CDH12: variants seen among roughly 807,000 people sequenced by gnomAD.
The protein encoded by CDH12 is cadherin-12.
In CDH12, 41 loss-of-function variants were observed where a neutral mutation model predicts 74.1. The observed-to-expected ratio is 0.55, with a 90% CI of 0.43 to 0.72. The LOEUF (loss-of-function observed/expected upper bound fraction) is 0.72, where lower values mean the gene tolerates loss of function less well. Ranked by LOEUF, CDH12 falls within the 30% of genes least tolerant of loss-of-function variation. The probability of loss-of-function intolerance (pLI) is 0.00; values close to 1 mark genes in which losing one functional copy is unlikely to be tolerated. For missense variants in CDH12, 945 were observed against 977.2 expected, an observed-to-expected ratio of 0.97 and a Z score of 0.44; for synonymous variants, 399 against 355.0, an observed-to-expected ratio of 1.12 and a Z score of -1.39.
intron 8 of CDH12, among the ~76,000 whole-genome samples, chr5:21,818,825 T>C (rs1461539288): frequency 1.3e-5 from 2 of 151,942 alleles, no homozygotes; most frequent in South Asian, 2.1e-4. Flanking sequence ...ATTATAGACC[T>C]AACAACAACA....
intron 11 of CDH12, among the ~76,000 whole-genome samples, chr5:21,767,186 C>A (rs1745074953): frequency 6.6e-6 from 1 of 151,608 alleles, no homozygotes; most frequent in African/African-American, 2.4e-5. Context: ...TGTATGAGTC[C>A]TGCAGCTACA....
At chr5:22,447,243 ATATCT>A (rs1744851137) in intron 2 of CDH12, among the ~76,000 whole-genome samples, 1 of 152,026 alleles carries the variant, frequency 6.6e-6, no homozygotes, top group Non-Finnish European at 1.5e-5. Context: ...TTTGCACCAG[ATATCT>A]TTTATTACAT....
intron 1 of CDH12, among the ~76,000 whole-genome samples, chr5:22,798,942 C>A (rs993036975): frequency 6.6e-6 from 1 of 151,960 alleles, no homozygotes; most frequent in Non-Finnish European, 1.5e-5. Flanking sequence ...TGACAAGAAA[C>A]CCCATCTATA....
intron 1 of CDH12, among the ~76,000 whole-genome samples, chr5:22,722,282 T>C (rs1202712912): frequency 6.6e-6 from 1 of 152,226 alleles, no homozygotes; most frequent in Non-Finnish European, 1.5e-5. Flanking sequence ...TTAAGTAGCC[T>C]GAAACACAGA....
Position 22,838,651 on chromosome 5 carries a change from CTGTGTGTGTGTGTGTG to C in CDH12, c.-523+14391_-523+14406del, listed in dbSNP as rs369033220. On this transcript the variant is annotated intron_variant, in intron 1 of 14. Coordinates refer to ENST00000382254, the MANE Select transcript of CDH12 (RefSeq NM_004061.5). ...TCTTAAAATGGGTGTGTGAGAGTGT[CTGTGTGTGTGTGTGTG>C]TGTGTGTGTGTGTGTGTGTGTATTT... Among the ~76,000 whole-genome samples the C allele has an allele frequency of 6.3e-5, 9 of 143,954 alleles. No homozygotes were observed. The South Asian group carries it at 2.0e-3, about 33-fold the overall frequency. The allele number at this position is 143,954 out of a possible 152,430, so 94.4% of individuals were successfully genotyped here. A position where few individuals can be genotyped will look rare whatever the true frequency, so the allele number is the denominator to read the frequency against.
intron 1 of CDH12, among the ~76,000 whole-genome samples, chr5:22,844,605 C>T (rs967525180): frequency 6.6e-6 from 1 of 152,104 alleles, no homozygotes; most frequent in Admixed American, 6.6e-5. Context: ...ACAGGGAACA[C>T]TGCATTTGTG....
chr5:22,112,971 A>G (rs1458899539), intron 4 of CDH12, among the ~76,000 whole-genome samples: 1 of 152,184 alleles, frequency 6.6e-6, no homozygotes, highest in Non-Finnish European at 1.5e-5. Context: ...TCAATCAAGC[A>G]TGGTCGTAGT....
chr5:22,066,892 A>G (rs1741601436), intron 5 of CDH12, among the ~76,000 whole-genome samples: 1 of 152,200 alleles, frequency 6.6e-6, no homozygotes, highest in African/African-American at 2.4e-5. Context: ...TGGTGACTCC[A>G]ACTGCAACTG....
intron 1 of CDH12, among the ~76,000 whole-genome samples, chr5:22,605,669 G>T (rs1455543542): frequency 6.6e-6 from 1 of 152,246 alleles, no homozygotes; most frequent in Non-Finnish European, 1.5e-5. Context: ...CACACCGACA[G>T]CTTGTCCCTT....
At chr5:22,516,705 G>A (rs1307666985) in intron 1 of CDH12, among the ~76,000 whole-genome samples, 1 of 152,124 alleles carries the variant, frequency 6.6e-6, no homozygotes, top group East Asian at 1.9e-4. Flanking sequence ...TGGAGTGGGA[G>A]GATGACTTGA....
chr5:22,567,259 C>T (rs1561495161), intron 1 of CDH12, among the ~76,000 whole-genome samples: 1 of 152,046 alleles, frequency 6.6e-6, no homozygotes, highest in Non-Finnish European at 1.5e-5. Flanking sequence ...AACCATTGTC[C>T]ATAAAAGATG....
At chr5:22,632,065 G>A (rs1738613107) in intron 1 of CDH12, among the ~76,000 whole-genome samples, 1 of 152,138 alleles carries the variant, frequency 6.6e-6, no homozygotes, top group African/African-American at 2.4e-5. Context: ...GTAGCAGAGG[G>A]TAGAGGTTGG....
At chr5:22,271,695 C>A (rs942217220) in intron 3 of CDH12, among the ~76,000 whole-genome samples, 4 of 152,160 alleles carry the variant, frequency 2.6e-5, no homozygotes, top group Non-Finnish European at 2.9e-5. Context: ...GCTGTCTTAG[C>A]AGACATGAAA....
intron 1 of CDH12, among the ~76,000 whole-genome samples, chr5:22,817,523 G>T (rs1749452115): frequency 6.6e-6 from 1 of 151,866 alleles, no homozygotes; most frequent in Non-Finnish European, 1.5e-5. Flanking sequence ...GTATATAATT[G>T]TGTATTTATA....
chr5:21,884,306 G>A, intron 6 of CDH12: 2 of 1,357,328 alleles, frequency 1.5e-6, no homozygotes. Flanking sequence ...GAGGTGGCAT[G>A]TTCTAACTCC....
chr5:21,954,170 A>C (rs369726295), intron 6 of CDH12, among the ~76,000 whole-genome samples: 1 of 152,114 alleles, frequency 6.6e-6, no homozygotes, highest in South Asian at 2.1e-4. Flanking sequence ...TCATTGCTAT[A>C]ATTTTGGTCA....
rs776420895 is a variant in CDH12, at chr5:22,599,263, C to T, written c.-522-93899G>A. On this transcript the variant is annotated intron_variant, in intron 1 of 14. Transcript: ENST00000382254. ...CGGTCTGAACTAAAACCTCAGAAGT[C>T]TTCCTTGACAGAAGAATACTGGGCT... Among the ~76,000 whole-genome samples the T allele has an allele frequency of 2.4e-4, 37 of 152,164 alleles. 1 individual carries two copies. Among genetic ancestry groups the T allele is most frequent in the Non-Finnish European group, 1.2e-4 (8 of 68,020 alleles).
intron 1 of CDH12, among the ~76,000 whole-genome samples, chr5:22,547,362 T>C (rs1393753211): frequency 6.6e-6 from 1 of 152,180 alleles, no homozygotes; most frequent in African/African-American, 2.4e-5. Context: ...ACACGCCTTC[T>C]CAATGACTGG....
At position 21,981,027 on chromosome 5, in the gene CDH12, G is replaced by C. The variant is rs371732492; in HGVS notation, c.232-5642C>G. 1.1e-3 allele frequency among the ~76,000 whole-genome samples: 170 copies of C among 152,108 alleles called. 2 individuals are homozygous for C. In the South Asian group the frequency reaches 0.035, roughly 31 times the overall value. ...TAGCCAGCTGGGGACATTTTTAATT[G>C]TTTCTATTTTCATTCTTTCTGTTTC... On this transcript the variant is annotated intron_variant, in intron 5 of 14. Transcript: ENST00000382254.
Sources: allele counts gnomAD v4.1 joint callset (sites outside exome capture counted in the v4.1 genomes callset), GRCh38; gene constraint gnomAD v4.1.1; transcripts MANE v1.5; gene names NCBI Gene and HGNC (gene_info 2026-07-23, HGNC 2026-07-21).